The following SZT2 variants were observed in gnomAD, a reference collection of about 807,000 sequenced individuals.
SZT2 encodes KICSTOR complex protein SZT2.
A neutral mutation model predicts 404.2 loss-of-function variants in SZT2; 216 were observed. The observed-to-expected ratio is 0.53, with a 90% CI of 0.48 to 0.60. The LOEUF (loss-of-function observed/expected upper bound fraction) is 0.60, where lower values mean the gene tolerates loss of function less well. Ranked by LOEUF, SZT2 falls within the 20% of genes least tolerant of loss-of-function variation. The pLI is 0.00. For missense variants in SZT2, 3,857 were observed against 4,459.2 expected (o/e 0.86, Z 3.85); for synonymous variants, 1,693 against 1,749.9 (o/e 0.97, Z 0.81).
chr1:43,416,481 G>A, intron 6 of SZT2, 54 bp from the exon 7 acceptor site: 1 of 1,492,748 alleles, frequency 6.7e-7, no homozygotes, highest in Admixed American at 1.8e-5. Context: ...GTGCCTCCCT[G>A]TGAGTTTGGT....
At chr1:43,449,653 A>C in intron 70 of SZT2, 1 of 238,960 alleles carries the variant, frequency 4.2e-6, no homozygotes, top group East Asian at 9.0e-5. Flanking sequence ...CCTAGGCAGC[A>C]GCTCTGTGAA....
At chr1:43,396,175 A>G (rs1334511600) in intron 1 of SZT2, among the ~76,000 whole-genome samples, 1 of 152,218 alleles carries the variant, frequency 6.6e-6, no homozygotes, top group Non-Finnish European at 1.5e-5. Context: ...TTTAAGTTGT[A>G]AAGTAGACCA....
Position 43,448,369 on chromosome 1 carries a change from T to A in SZT2, c.9854T>A (p.Leu3285Gln). ...ACCCTTTGGAAGCGCCTCTTCTTGC[T>A]GGAGCCACCGGGGCCTGATCGACTG... Reference protein sequence around the residue: ...RDTLWKRLFLLEPPGPDRLRL... With the variant: ...RDTLWKRLFLQEPPGPDRLRL... The change falls in exon 69 of 72, where the codon CTG (leucine) becomes CAG (glutamine). Residue 3285 changes from leucine to glutamine, a missense_variant. By Grantham distance (113) the Leu-to-Gln change is moderately radical (BLOSUM62 -2). This residue lies in a region of SZT2 where 717 missense variants were observed against 868.2 expected (regional missense o/e 0.83). Coordinates refer to ENST00000634258, the MANE Select transcript of SZT2 (RefSeq NM_001365999.1). This position sits in a 1 kb window ranked among gnomAD's most constrained non-coding sequence, Gnocchi z 4.2. 6.4e-7 allele frequency: 1 copy of A among 1,557,744 alleles called. No individual in the cohort carries two copies. The highest frequency in any genetic ancestry group is 8.7e-7 in the Non-Finnish European group (1 of 1,150,688).
chr1:43,431,020 C>T lies in SZT2; in HGVS notation c.4846C>T (p.Leu1616=), dbSNP rs748345352. The T allele has an allele frequency of 1.9e-6, 3 of 1,614,092 alleles. No homozygotes were observed. In the African/African-American group the frequency reaches 4.0e-5, roughly 22 times the overall value. The change falls in exon 33 of 72, where the codon CTG becomes TTG. Residue 1616 remains leucine, a synonymous_variant. Coordinates refer to ENST00000634258, the MANE Select transcript of SZT2 (RefSeq NM_001365999.1). The stretch of plus-strand genomic sequence containing the variant: ...TCCCTTGAGGGACCTCAGTGTGACT[C>T]TGGATGTCTTCATGCTGACTTTGCC... ...RVPLRDLSVT[L]DVFMLTLPLE...
intron 4 of SZT2, chr1:43,410,402 A>G (rs1247741668): frequency 6.6e-6 from 1 of 151,898 alleles, no homozygotes; most frequent in Non-Finnish European, 1.5e-5. Context: ...AAACTACAAA[A>G]AAACTAGCCG....
chr1:43,417,331 TG>T (rs1651828833), intron 7 of SZT2, among the ~76,000 whole-genome samples: 1 of 151,992 alleles, frequency 6.6e-6, no homozygotes, highest in South Asian at 2.1e-4. Flanking sequence ...ATTAGCAAGA[TG>T]GGGGTAAGGA....
In SZT2 at chr1:43,454,038, C is replaced by T; in HGVS notation, c.*3558C>T. 2 of 1,154,854 alleles carry T rather than the reference C, an allele frequency of 1.7e-6. No individual in the cohort carries two copies. The highest frequency in any genetic ancestry group is 2.1e-6 in the Non-Finnish European group (2 of 939,526). The allele number at this position is 1,154,854 out of a possible 1,614,324, so 71.5% of individuals were successfully genotyped here. A position where few individuals can be genotyped will look rare whatever the true frequency, so the allele number is the denominator to read the frequency against. The stretch of plus-strand genomic sequence containing the variant: ...GAGGGCGGCCGGAAAAGGAGCAGGA[C>T]CCGCGCCTGGAGAAGGTAGGGAGGC... On this transcript the variant is annotated 3_prime_UTR_variant, in exon 72 of 72. Coordinates refer to ENST00000634258, the MANE Select transcript of SZT2 (RefSeq NM_001365999.1).
Position 43,441,948 on chromosome 1 carries a change from G to A in SZT2, c.7743-52G>A, listed in dbSNP as rs1655102622. The A allele has an allele frequency of 1.4e-5, 23 of 1,593,866 alleles. No individual in the cohort carries two copies. In the South Asian group the frequency reaches 2.6e-4, roughly 18 times the overall value. On this transcript the variant is annotated intron_variant, in intron 55 of 71. Transcript: ENST00000634258. This position sits in a 1 kb window ranked among gnomAD's most constrained non-coding sequence, Gnocchi z 4.8. ...CAAGGCCCAGGGAGGTGAAGGCTAGGCCAGGGAGTGGTGTCATGGATGGCC... is the reference window on the plus strand; with the variant it reads ...CAAGGCCCAGGGAGGTGAAGGCTAGACCAGGGAGTGGTGTCATGGATGGCC...
At position 43,427,478 on chromosome 1, in the gene SZT2, G is replaced by A. The variant is rs1296403049; in HGVS notation, c.3598+33G>A. The A allele has an allele frequency of 1.9e-6, 3 of 1,612,100 alleles. No homozygotes were observed. The Admixed American group carries it at 5.0e-5, about 27-fold the overall frequency. Reference sequence around the variant, plus strand: ...TGCCGACTCAAGGTGGGCAGGAGTGGGAGTGGGAAACAGATAGAGCTGGAA... The same window carrying A: ...TGCCGACTCAAGGTGGGCAGGAGTGAGAGTGGGAAACAGATAGAGCTGGAA... On this transcript the variant is annotated intron_variant, in intron 25 of 71. Transcript: ENST00000634258.
At position 43,403,306 on chromosome 1, in the gene SZT2, A is replaced by C; in HGVS notation, c.153+4A>C. On this transcript the variant is annotated splice_donor_region_variant and intron_variant, in intron 2 of 71. Coordinates refer to ENST00000634258, the MANE Select transcript of SZT2 (RefSeq NM_001365999.1). ...GGCCACACCCCAGGAGATGCTGGTGAGGCTTAGACACACGAAAGGTGTGAG... is the reference window on the plus strand; with the variant it reads ...GGCCACACCCCAGGAGATGCTGGTGCGGCTTAGACACACGAAAGGTGTGAG... 2 of 1,611,550 alleles carry C rather than the reference A, an allele frequency of 1.2e-6. No homozygotes were observed. Among genetic ancestry groups the C allele is most frequent in the Non-Finnish European group, 1.7e-6 (2 of 1,179,342 alleles).
At position 43,432,307 on chromosome 1, in the gene SZT2, T is replaced by G; in HGVS notation, c.5310T>G (p.Leu1770=). The change falls in exon 37 of 72, where the codon CTT becomes CTG. Residue 1770 remains leucine, a synonymous_variant. Coordinates refer to ENST00000634258, the MANE Select transcript of SZT2 (RefSeq NM_001365999.1). Reference sequence around the variant, plus strand: ...GCCTCCATCTCCCTGGCCATGTTCTTCTTGAAGACCCTGACAGTGGCTTCT... The same window carrying G: ...GCCTCCATCTCCCTGGCCATGTTCTGCTTGAAGACCCTGACAGTGGCTTCT... ...FRRLHLPGHV[L]LEDPDSGFFF... is the part of the protein sequence containing the mutation. 6.3e-7 allele frequency: 1 copy of G among 1,588,012 alleles called. No individual in the cohort carries two copies. The highest frequency in any genetic ancestry group is 8.6e-7 in the Non-Finnish European group (1 of 1,169,210).
chr1:43,451,307 G>A lies in SZT2; in HGVS notation c.*827G>A. On this transcript the variant is annotated 3_prime_UTR_variant, in exon 72 of 72. Transcript: ENST00000634258. ...GTAGCCAACTCAAGCCCTCTACTGT[G>A]TCTCCTGCAGGGAGAGGGAGGCCTC... 3 of 1,613,866 alleles carry A rather than the reference G, an allele frequency of 1.9e-6. No homozygotes were observed. The highest frequency in any genetic ancestry group is 1.1e-5 in the South Asian group (1 of 91,086).
At position 43,424,966 on chromosome 1, in the gene SZT2, A is replaced by G; in HGVS notation, c.2550+104A>G. ...GACTGCTGGAAACTGCCTCACAGGG[A>G]CCCTGTGGCCAGAGGATGCTCAAGG... On this transcript the variant is annotated intron_variant, in intron 17 of 71. Coordinates refer to ENST00000634258, the MANE Select transcript of SZT2 (RefSeq NM_001365999.1). This position sits in a 1 kb window ranked among gnomAD's most constrained non-coding sequence, Gnocchi z 4.1. The G allele has an allele frequency of 6.7e-7, 1 of 1,482,868 alleles. No individual in the cohort carries two copies. Among genetic ancestry groups the G allele is most frequent in the Non-Finnish European group, 9.4e-7 (1 of 1,065,510 alleles). 91.9% of individuals were successfully genotyped at this position (1,482,868 alleles called of 1,614,324 possible).
At chr1:43,415,317 A>C in intron 5 of SZT2, 104 bp downstream of exon 5, 1 of 1,424,572 alleles carries the variant, frequency 7.0e-7, no homozygotes, top group Admixed American at 2.1e-5. Context: ...AAGGGCTAAG[A>C]GCTGGGGCAA....
chr1:43,440,951 T>G (rs1234826412), intron 52 of SZT2, among the ~76,000 whole-genome samples: 1 of 152,260 alleles, frequency 6.6e-6, no homozygotes, highest in African/African-American at 2.4e-5. Context: ...AGAGGGAGCC[T>G]TAACTTACTA....
At chr1:43,446,565 C>T (rs866368399) in intron 65 of SZT2, 149 bp downstream of exon 65, 1 of 920,160 alleles carries the variant, frequency 1.1e-6, no homozygotes, top group South Asian at 1.6e-5. Flanking sequence ...TAGGTCAGTG[C>T]TCATTCTGGT....
Position 43,446,849 on chromosome 1 carries a change from A to G in SZT2, c.9073-106A>G, listed in dbSNP as rs1655731832. ...GGCAGAGGGCGTTCCACTAGGCCAC[A>G]GCAGCAGGGGAAATCTTGTGCTTCT... is the stretch of plus-strand genomic sequence containing the variant. On this transcript the variant is annotated intron_variant, in intron 65 of 71. Transcript: ENST00000634258. 4.9e-6 allele frequency: 6 copies of G among 1,233,162 alleles called. No homozygotes were observed. The East Asian group carries it at 7.5e-5, about 16-fold the overall frequency. 76.4% of individuals were successfully genotyped at this position (1,233,162 alleles called of 1,614,324 possible).
At position 43,434,473 on chromosome 1, in the gene SZT2, G is replaced by A; in HGVS notation, c.5892G>A (p.Arg1964=). The change falls in exon 41 of 72, where the codon AGG becomes AGA. Residue 1964 remains arginine, a synonymous_variant. Coordinates refer to ENST00000634258, the MANE Select transcript of SZT2 (RefSeq NM_001365999.1). ...LLVRRVGEIC[R]EVNQRLLLQD... is the part of the protein sequence containing the mutation. ...TGAGGCGAGTTGGGGAGATCTGCAGGGAGGTCAACCAGGTAAGGGGCAGGA... is the reference window on the plus strand; with the variant it reads ...TGAGGCGAGTTGGGGAGATCTGCAGAGAGGTCAACCAGGTAAGGGGCAGGA... 1.3e-6 allele frequency: 2 copies of A among 1,594,442 alleles called. No homozygotes were observed.
chr1:43,422,688 C>T, intron 13 of SZT2, 56 bp downstream of exon 13: 2 of 1,215,792 alleles, frequency 1.6e-6, no homozygotes, highest in Non-Finnish European at 2.1e-6. Context: ...GCCACCTCAT[C>T]CCATGTCTCC....
Sources: allele counts gnomAD v4.1 joint callset (sites outside exome capture counted in the v4.1 genomes callset), GRCh38; gene constraint gnomAD v4.1.1; regional missense constraint gnomAD v4.1.1; non-coding constraint Gnocchi (gnomAD v3.1); transcripts MANE v1.5; gene names NCBI Gene and HGNC (gene_info 2026-07-23, HGNC 2026-07-21).